ASIC2: variants seen among roughly 807,000 people sequenced by gnomAD.
The protein encoded by ASIC2 is acid-sensing ion channel 2.
Under a neutral mutation model 57.3 loss-of-function variants are expected in ASIC2, and 25 were observed. The ratio of observed to expected loss-of-function variants is 0.44; its 90% CI spans 0.32 to 0.61. The LOEUF is 0.61. ASIC2 is among the 20% of genes least tolerant of loss of function. ASIC2 has a pLI of 0.06. For synonymous variants in ASIC2, 319 were observed against 307.5 expected (o/e 1.04, Z -0.39); for missense variants, 641 against 738.1 (o/e 0.87, Z 1.52).
At chr17:33,989,398 T>C (rs1444906820) in intron 1 of ASIC2, among the ~76,000 whole-genome samples, 4 of 152,032 alleles carry the variant, frequency 2.6e-5, no homozygotes, top group Admixed American at 2.0e-4. Flanking sequence ...ACAGAGGGAC[T>C]TGGCCCATCT....
At chr17:34,037,646 G>T in intron 1 of ASIC2, 3 of 1,609,136 alleles carry the variant, frequency 1.9e-6, no homozygotes, top group Non-Finnish European at 2.5e-6. Flanking sequence ...GTTATTGGAC[G>T]CCCCAGAGGT....
chr17:33,148,567 G>C (rs964464919), intron 1 of ASIC2, among the ~76,000 whole-genome samples: 1 of 152,206 alleles, frequency 6.6e-6, no homozygotes, highest in African/African-American at 2.4e-5. Context: ...TACCATGGCT[G>C]TGCCATTTAC....
intron 1 of ASIC2, among the ~76,000 whole-genome samples, chr17:33,254,564 T>A (rs1415999476): frequency 1.3e-5 from 2 of 152,100 alleles, no homozygotes; most frequent in African/African-American, 4.8e-5. Context: ...TTTTTGCCCA[T>A]AGCCTGGTAG....
At chr17:33,154,878 G>A (rs11868876) in intron 1 of ASIC2, among the ~76,000 whole-genome samples, 11,652 of 152,220 alleles carry the variant, frequency 0.077, 574 homozygotes, top group Middle Eastern at 0.13. Flanking sequence ...TTCCTAACAG[G>A]TGGTTTGTGA....
At chr17:33,299,945 C>T (rs535053418) in intron 1 of ASIC2, among the ~76,000 whole-genome samples, 38 of 152,132 alleles carry the variant, frequency 2.5e-4, no homozygotes, top group Middle Eastern at 3.2e-3. Context: ...TAAATCACAC[C>T]GGTTGATACT....
At chr17:33,567,572 G>A (rs1171570748) in intron 1 of ASIC2, among the ~76,000 whole-genome samples, 3 of 152,182 alleles carry the variant, frequency 2.0e-5, no homozygotes, top group Non-Finnish European at 4.4e-5. Context: ...TGGTGTCTCT[G>A]GAGGGAGAAG....
chr17:33,678,214 G>C (rs919608879), intron 1 of ASIC2, among the ~76,000 whole-genome samples: 1 of 152,068 alleles, frequency 6.6e-6, no homozygotes, highest in Non-Finnish European at 1.5e-5. Context: ...TAGACATACT[G>C]CTATTGCACA....
At chr17:33,491,911 T>G (rs1287212997) in intron 1 of ASIC2, among the ~76,000 whole-genome samples, 4 of 152,212 alleles carry the variant, frequency 2.6e-5, no homozygotes, top group Admixed American at 1.3e-4. Flanking sequence ...TGCCTTATAT[T>G]TTCTCCTCGT....
At chr17:34,137,175 C>T (rs1912150739) in intron 1 of ASIC2, among the ~76,000 whole-genome samples, 1 of 152,196 alleles carries the variant, frequency 6.6e-6, no homozygotes, top group Admixed American at 6.5e-5. Context: ...CTGTAACCTT[C>T]TAAAAATATG....
chr17:33,095,004 A>T (rs752915102), intron 2 of ASIC2, among the ~76,000 whole-genome samples: 11 of 152,140 alleles, frequency 7.2e-5, no homozygotes, highest in Non-Finnish European at 1.6e-4. Context: ...TTGGAGCCTA[A>T]TTTTTCTCAT....
chr17:33,489,258 G>GA (rs1322191472), intron 1 of ASIC2, among the ~76,000 whole-genome samples: 4 of 152,166 alleles, frequency 2.6e-5, no homozygotes, highest in Non-Finnish European at 5.9e-5. Context: ...ACTGTGCTGA[G>GA]AGTTTTACAC....
intron 1 of ASIC2, among the ~76,000 whole-genome samples, chr17:33,799,630 G>T (rs75442056): frequency 0.074 from 11,139 of 150,676 alleles, 456 homozygotes; most frequent in East Asian, 0.19. Flanking sequence ...AGGTTTCTGG[G>T]ATCAGGGCAT....
intron 1 of ASIC2, among the ~76,000 whole-genome samples, chr17:34,051,118 A>G (rs1908538875): frequency 1.3e-5 from 2 of 152,228 alleles, no homozygotes. Flanking sequence ...GAAATGCCAA[A>G]TTCCAGAGAA....
intron 1 of ASIC2, among the ~76,000 whole-genome samples, chr17:33,593,698 CT>C (rs1293851459): frequency 6.6e-6 from 1 of 152,192 alleles, no homozygotes; most frequent in African/African-American, 2.4e-5. Context: ...TAAGTGTTGA[CT>C]TTTGTGTAAT....
chr17:33,965,115 G>A (rs1275246742), intron 1 of ASIC2, among the ~76,000 whole-genome samples: 3 of 152,322 alleles, frequency 2.0e-5, no homozygotes, highest in South Asian at 2.1e-4. Context: ...AGGAAAGGAA[G>A]GGAGACGGCT....
At chr17:33,603,846 C>G (rs1232459195) in intron 1 of ASIC2, among the ~76,000 whole-genome samples, 1 of 152,200 alleles carries the variant, frequency 6.6e-6, no homozygotes, top group Non-Finnish European at 1.5e-5. Context: ...GAAGAGTGCT[C>G]AGGGCCCCAG....
At chr17:33,699,497 T>G (rs1908631589) in intron 1 of ASIC2, among the ~76,000 whole-genome samples, 1 of 152,242 alleles carries the variant, frequency 6.6e-6, no homozygotes, top group Non-Finnish European at 1.5e-5. Flanking sequence ...AAACAATCTC[T>G]GCATGACTTT....
chr17:33,589,438 A>G (rs1486727041), intron 1 of ASIC2, among the ~76,000 whole-genome samples: 1 of 152,212 alleles, frequency 6.6e-6, no homozygotes, highest in Non-Finnish European at 1.5e-5. Flanking sequence ...ACACAATGCT[A>G]TACAACCATC....
chr17:33,111,764 C>A, intron 2 of ASIC2, 153 bp downstream of exon 2: 1 of 1,131,610 alleles, frequency 8.8e-7, no homozygotes, highest in Non-Finnish European at 1.2e-6. Flanking sequence ...CCAGCCCAAG[C>A]CAGGGACATC....
Sources: gnomAD v4.1 joint callset for allele counts (sites outside exome capture counted in the v4.1 genomes callset) on GRCh38, gnomAD v4.1.1 for gene constraint, MANE v1.5 for transcripts, NCBI Gene and HGNC (gene_info 2026-07-23, HGNC 2026-07-21) for gene names.